The following CRYZL1 variants were observed in gnomAD, a reference collection of about 807,000 sequenced individuals.
The protein encoded by CRYZL1 is ferry endosomal RAB5 effector complex subunit 4.
CRYZL1 carries 34 observed loss-of-function variants against 50.6 expected under a neutral mutation model. That is an observed-to-expected ratio of 0.67 (90% CI 0.51 to 0.89). The LOEUF is 0.89. Ranked by LOEUF, CRYZL1 falls within the 40% of genes least tolerant of loss-of-function variation. The pLI is 0.00. For missense variants in CRYZL1, 354 were observed against 402.3 expected (o/e 0.88, Z 1.03); for synonymous variants, 125 against 134.3 (o/e 0.93, Z 0.48).
chr21:33,622,661 A>C (rs2087015848), intron 3 of CRYZL1, among the ~76,000 whole-genome samples: 2 of 152,152 alleles, frequency 1.3e-5, no homozygotes, highest in African/African-American at 4.8e-5. Flanking sequence ...TTAGATTGTG[A>C]CCAAATTAAC....
chr21:33,618,458 T>A (rs914444508), intron 4 of CRYZL1, among the ~76,000 whole-genome samples: 1 of 152,160 alleles, frequency 6.6e-6, no homozygotes, highest in African/African-American at 2.4e-5. Context: ...GTGCCCAGCA[T>A]TGTTGTGTGT....
At chr21:33,623,827 G>C (rs1476092121) in intron 3 of CRYZL1, among the ~76,000 whole-genome samples, 1 of 152,100 alleles carries the variant, frequency 6.6e-6, no homozygotes, top group African/African-American at 2.4e-5. Flanking sequence ...TTTAACCACA[G>C]TTTATTTACC....
At chr21:33,623,445 C>T (rs1467993241) in intron 3 of CRYZL1, among the ~76,000 whole-genome samples, 1 of 152,132 alleles carries the variant, frequency 6.6e-6, no homozygotes, top group Non-Finnish European at 1.5e-5. Flanking sequence ...CTATTTATTT[C>T]TGTTAGACAA....
intron 8 of CRYZL1, among the ~76,000 whole-genome samples, chr21:33,601,254 C>T (rs1040686850): frequency 2.6e-5 from 4 of 152,014 alleles, no homozygotes; most frequent in African/African-American, 9.7e-5. Flanking sequence ...TTTCTCCATT[C>T]TATTTTCAGA....
At chr21:33,616,177 T>C (rs2086929814) in intron 5 of CRYZL1, 1 of 150,788 alleles carries the variant, frequency 6.6e-6, no homozygotes. Flanking sequence ...GAATATGCGG[T>C]GTTTGGTTTT....
Position 33,641,044 on chromosome 21 carries a change from G to T in CRYZL1, c.-7+637C>A. The T allele has an allele frequency of 2.3e-6, 3 of 1,328,380 alleles. No individual in the cohort carries two copies. In the Admixed American group the frequency reaches 1.0e-4, roughly 46 times the overall value. The allele number at this position is 1,328,380 out of a possible 1,614,324, so 82.3% of individuals were successfully genotyped here. On this transcript the variant is annotated intron_variant, in intron 1 of 12. Transcript: ENST00000381554. ...ACCCCAAAATTAAAATGACATAAGG[G>T]ACTCGCATTATATTTGTACTGGACA...
chr21:33,609,689 T>G (rs867079155), intron 6 of CRYZL1, among the ~76,000 whole-genome samples: 1 of 151,834 alleles, frequency 6.6e-6, no homozygotes, highest in Non-Finnish European at 1.5e-5. Context: ...CTTTCTTTCC[T>G]TCTCTTCTCT....
Position 33,596,411 on chromosome 21 carries a change from G to A in CRYZL1, c.799-575C>T, listed in dbSNP as rs530185444. ...CCAGCACTTTGGGAGGCCGAGGCAG[G>A]TGGATCACCTGAGGTCAGAAGTTCA... On this transcript the variant is annotated intron_variant, in intron 10 of 12. Transcript: ENST00000381554. Among the ~76,000 whole-genome samples the A allele has an allele frequency of 2.6e-5, 4 of 152,068 alleles. No individual in the cohort carries two copies. The South Asian group carries it at 8.3e-4, about 32-fold the overall frequency.
At chr21:33,625,776 G>T (rs567767129) in intron 2 of CRYZL1, among the ~76,000 whole-genome samples, 44 of 152,076 alleles carry the variant, frequency 2.9e-4, no homozygotes, top group African/African-American at 1.0e-3. Flanking sequence ...AAGACATAGT[G>T]CCCAGCCCTT....
At chr21:33,616,910 A>G (rs1434261301) in intron 4 of CRYZL1, 160 bp from the exon 5 acceptor site, 1 of 577,210 alleles carries the variant, frequency 1.7e-6, no homozygotes, top group Non-Finnish European at 2.9e-6. Flanking sequence ...GATGGTCTGT[A>G]AAGACTACAG....
At chr21:33,607,131 T>A (rs1288048406) in intron 6 of CRYZL1, among the ~76,000 whole-genome samples, 1 of 152,162 alleles carries the variant, frequency 6.6e-6, no homozygotes, top group Non-Finnish European at 1.5e-5. Flanking sequence ...AAATTTTGAA[T>A]GAAAAATAAA....
intron 1 of CRYZL1, among the ~76,000 whole-genome samples, chr21:33,640,402 G>A (rs978662301): frequency 3.3e-5 from 5 of 151,732 alleles, no homozygotes; most frequent in African/African-American, 1.2e-4. Context: ...TAACTGACCC[G>A]AGTTTGAATC....
At chr21:33,629,273 T>C (rs1169874146) in intron 2 of CRYZL1, among the ~76,000 whole-genome samples, 2 of 152,132 alleles carry the variant, frequency 1.3e-5, no homozygotes, top group Non-Finnish European at 2.9e-5. Flanking sequence ...TGATTTTTTT[T>C]CTTTTGGAGA....
chr21:33,634,136 A>G (rs2087173645), intron 1 of CRYZL1, among the ~76,000 whole-genome samples: 1 of 152,250 alleles, frequency 6.6e-6, no homozygotes. Context: ...TTAAATGATT[A>G]ATTCTAACGC....
chr21:33,590,130 A>G (rs541500005), intron 12 of CRYZL1, among the ~76,000 whole-genome samples: 52 of 151,706 alleles, frequency 3.4e-4, no homozygotes, highest in African/African-American at 1.2e-3. Flanking sequence ...CAATTCTCAT[A>G]CTTCAGCCTC....
chr21:33,592,340 T>C (rs2086652654), intron 11 of CRYZL1, among the ~76,000 whole-genome samples: 1 of 151,948 alleles, frequency 6.6e-6, no homozygotes, highest in Non-Finnish European at 1.5e-5. Flanking sequence ...TCTCCCTATG[T>C]TGCCCGGGCT....
intron 12 of CRYZL1, 76 bp downstream of exon 12, chr21:33,591,086 A>G (rs2086638798): frequency 9.5e-7 from 1 of 1,050,656 alleles, no homozygotes; most frequent in African/African-American, 1.6e-5. Context: ...AGCTAAAACA[A>G]AAGTGGGACT....
intron 4 of CRYZL1, among the ~76,000 whole-genome samples, chr21:33,620,902 CTTTTT>C (rs1217062963): frequency 2.9e-5 from 2 of 69,134 alleles, no homozygotes; most frequent in Non-Finnish European, 5.2e-5. Context: ...GGTGTCCAAT[CTTTTT>C]TTTTTTTTTT....
intron 3 of CRYZL1, among the ~76,000 whole-genome samples, chr21:33,623,794 C>A (rs995098467): frequency 6.6e-6 from 1 of 152,062 alleles, no homozygotes; most frequent in Non-Finnish European, 1.5e-5. Flanking sequence ...AGTAAATGGA[C>A]CTGCTCAATT....
Sources: gnomAD v4.1 joint callset for allele counts (sites outside exome capture counted in the v4.1 genomes callset) on GRCh38, gnomAD v4.1.1 for gene constraint, MANE v1.5 for transcripts, NCBI Gene and HGNC (gene_info 2026-07-23, HGNC 2026-07-21) for gene names.